The following REL variants were observed in gnomAD, a reference collection of about 807,000 sequenced individuals.
The protein encoded by REL is REL proto-oncogene, NF-kB subunit, also known as proto-oncogene c-Rel.
A neutral mutation model predicts 45.9 loss-of-function variants in REL; 15 were observed. The ratio of observed to expected loss-of-function variants is 0.33; its 90% CI spans 0.22 to 0.50. The LOEUF is 0.50. Among genes scored for constraint, REL ranks in the 20% least tolerant of loss-of-function variants. REL has a pLI of 0.98. For missense variants in REL, 601 were observed against 715.2 expected (o/e 0.84, Z 1.82); for synonymous variants, 239 against 242.1 (o/e 0.99, Z 0.12).
rs1348702901 is a variant in REL at position 60,929,812 on chromosome 2, AGT to A, written c.*7278_*7279del. The A allele has an allele frequency of 6.6e-6, 1 of 151,918 alleles. No individual in the cohort carries two copies. The highest frequency in any genetic ancestry group is 1.5e-5 in the Non-Finnish European group (1 of 67,976). 9.4% of individuals were successfully genotyped at this position (151,918 alleles called of 1,614,324 possible). ...TGTGCACATGTACCCTAAAGCTTAA[AGT>A]ATAATAAAAAATAAATAAATAAATA... On this transcript the variant is annotated 3_prime_UTR_variant, in exon 10 of 10. Coordinates refer to ENST00000394479, the MANE Select transcript of REL (RefSeq NM_001291746.2).
chr2:60,912,704 A>G (rs905592598), intron 4 of REL, among the ~76,000 whole-genome samples: 4 of 152,138 alleles, frequency 2.6e-5, no homozygotes, highest in Non-Finnish European at 4.4e-5. Flanking sequence ...AGTTTTGTCA[A>G]TTTAAATCTA....
intron 3 of REL, 178 bp from the exon 4 acceptor site, chr2:60,900,814 G>T (rs540051840): frequency 1.8e-6 from 1 of 549,886 alleles, no homozygotes; most frequent in Non-Finnish European, 3.1e-6. Flanking sequence ...CAAGCCACGC[G>T]CCCAGCCATA....
In REL at chr2:60,891,803, A is replaced by G. The variant is rs1414774075; in HGVS notation, c.131A>G (p.Asn44Ser). 1.2e-6 allele frequency: 2 copies of G among 1,613,348 alleles called. No homozygotes were observed. Among genetic ancestry groups the G allele is most frequent in the Non-Finnish European group, 1.7e-6 (2 of 1,179,666 alleles). The change falls in exon 2 of 10, where the codon AAC becomes AGC. Residue 44 changes from asparagine (N) to serine (S), a missense_variant. Physicochemically the swap from Asn to Ser is conservative, Grantham distance 46. Coordinates refer to ENST00000394479, the MANE Select transcript of REL (RefSeq NM_001291746.2). ...SIPGEHSTDN[N>S]RTYPSIQIMN... ...CCAGGGGAGCACAGCACAGACAACA[A>G]CCGAACATACCCTTCTATCCAGGTA... is the stretch of plus-strand genomic sequence containing the variant.
At chr2:60,919,465 G>A (rs1013594469) in intron 7 of REL, among the ~76,000 whole-genome samples, 3 of 151,604 alleles carry the variant, frequency 2.0e-5, no homozygotes, top group Non-Finnish European at 2.9e-5. Context: ...GCTCTGTCTT[G>A]CCCAGGCTGG....
chr2:60,895,966 T>C (rs1673336203), intron 3 of REL, among the ~76,000 whole-genome samples: 2 of 152,146 alleles, frequency 1.3e-5, no homozygotes, highest in Admixed American at 6.5e-5. Flanking sequence ...TATGTAAATA[T>C]AGTCACAATA....
chr2:60,909,172 C>T (rs1156408298), intron 4 of REL, among the ~76,000 whole-genome samples: 1 of 152,098 alleles, frequency 6.6e-6, no homozygotes, highest in African/African-American at 2.4e-5. Context: ...TCCAGATACT[C>T]ATCTCACTAA....
intron 3 of REL, among the ~76,000 whole-genome samples, chr2:60,897,614 TGC>T (rs1259767876): frequency 2.6e-5 from 4 of 152,144 alleles, no homozygotes; most frequent in African/African-American, 9.7e-5. Flanking sequence ...GGCCAACTTG[TGC>T]TTTGCTTGCC....
intron 6 of REL, 22 bp from the exon 7 acceptor site, chr2:60,918,372 T>C: frequency 6.3e-7 from 1 of 1,594,154 alleles, no homozygotes. Flanking sequence ...CATTTTTTTT[T>C]TTTTGGTTTC....
At chr2:60,919,883 C>A (rs1337313265) in intron 7 of REL, among the ~76,000 whole-genome samples, 158 bp from the exon 8 acceptor site, 1 of 152,138 alleles carries the variant, frequency 6.6e-6, no homozygotes, top group Non-Finnish European at 1.5e-5. Flanking sequence ...TCTACTGATA[C>A]TACTGATTTG....
Position 60,922,901 on chromosome 2 carries a change from GAGCA to G in REL, c.*367_*370del. The G allele has an allele frequency of 5.3e-6, 1 of 189,516 alleles. No individual in the cohort carries two copies. The highest frequency in any genetic ancestry group is 1.0e-5 in the Non-Finnish European group (1 of 97,186). 11.7% of individuals were successfully genotyped at this position (189,516 alleles called of 1,614,324 possible). A position where few individuals can be genotyped will look rare whatever the true frequency, so the allele number is the denominator to read the frequency against. ...TCTACTAAAAATACAAAAATTAGCT[GAGCA>G]TGGTGGTACGTGCCTGTACTGTCAG... On this transcript the variant is annotated 3_prime_UTR_variant, in exon 10 of 10. Coordinates refer to ENST00000394479, the MANE Select transcript of REL (RefSeq NM_001291746.2).
In REL at chr2:60,918,609, A is replaced by G. The variant is rs1274983743; in HGVS notation, c.853+3A>G. ...TAGATATCTGCCAGATGAAAAAGGT[A>G]TGACATTTTGCTGGTAATAATTTAT... On this transcript the variant is annotated splice_donor_region_variant and intron_variant, in intron 7 of 9. Coordinates refer to ENST00000394479, the MANE Select transcript of REL (RefSeq NM_001291746.2). 6.3e-7 allele frequency: 1 copy of G among 1,596,576 alleles called. No homozygotes were observed. Among genetic ancestry groups the G allele is most frequent in the Non-Finnish European group, 8.6e-7 (1 of 1,164,014 alleles).
Position 60,922,145 on chromosome 2 carries a change from GCTGT to G in REL, c.1377_1380del (p.Ser460IlefsTer4). 1.2e-6 allele frequency: 2 copies of G among 1,614,122 alleles called. No individual in the cohort carries two copies. Among genetic ancestry groups the G allele is most frequent in the Non-Finnish European group, 8.5e-7 (1 of 1,180,028 alleles). ...TATATGGTATTTCTGATCCCAACATGCTGTCTAATTGTTCTGTGAATATGATGAC... is the reference window on the plus strand; with the variant it reads ...TATATGGTATTTCTGATCCCAACATGCTAATTGTTCTGTGAATATGATGAC... On this transcript the variant is annotated frameshift_variant, in exon 10 of 10. Coordinates refer to ENST00000394479, the MANE Select transcript of REL (RefSeq NM_001291746.2). LOFTEE classifies it high-confidence loss of function.
chr2:60,903,015 T>C (rs768056201), intron 4 of REL, among the ~76,000 whole-genome samples: 21 of 152,242 alleles, frequency 1.4e-4, no homozygotes, highest in Non-Finnish European at 2.6e-4. Flanking sequence ...GGAAAATTTC[T>C]GGGTCAAGAG....
intron 4 of REL, among the ~76,000 whole-genome samples, chr2:60,903,540 A>AT (rs1267092161): frequency 1.4e-3 from 206 of 146,158 alleles, no homozygotes; most frequent in African/African-American, 4.4e-3. Context: ...TGCCCAGCTA[A>AT]TTTTTTTTTT....
In REL at chr2:60,925,199, C is replaced by T. The variant is rs866741403; in HGVS notation, c.*2664C>T. ...ACCTGCCCTAAATGTTGAATATCTT[C>T]CTAGCAAGAAACAGTCTGTCATTTT... On this transcript the variant is annotated 3_prime_UTR_variant, in exon 10 of 10. Transcript: ENST00000394479. 1 of 198,716 alleles carries T rather than the reference C, an allele frequency of 5.0e-6. No homozygotes were observed. The allele number at this position is 198,716 out of a possible 1,614,324, so 12.3% of individuals were successfully genotyped here.
chr2:60,920,164 A>G (rs140209210), intron 8 of REL, 55 bp downstream of exon 8: 40 of 1,284,594 alleles, frequency 3.1e-5, no homozygotes, highest in Non-Finnish European at 4.3e-5. Flanking sequence ...TATTTACTTT[A>G]TTCAGTTTTT....
chr2:60,921,878 T>G lies in REL; in HGVS notation c.1107T>G (p.His369Gln). The G allele has an allele frequency of 6.2e-7, 1 of 1,614,172 alleles. No homozygotes were observed. The highest frequency in any genetic ancestry group is 8.5e-7 in the Non-Finnish European group (1 of 1,180,026). ...CCATCTCAAGTGGATTGTCACATCA[T>G]GCCTCAATGGCACCTCTGCCTTCTT... is the stretch of plus-strand genomic sequence containing the variant. ...PGPISSGLSH[H>Q]ASMAPLPSSS... Residue 369 changes from histidine to glutamine, a missense_variant, in exon 10 of 10, where the codon CAT becomes CAG. His to Gln is a conservative substitution (Grantham distance 24). Coordinates refer to ENST00000394479, the MANE Select transcript of REL (RefSeq NM_001291746.2).
At chr2:60,920,465 T>C in intron 8 of REL, 109 bp from the exon 9 acceptor site, 2 of 823,388 alleles carry the variant, frequency 2.4e-6, no homozygotes, top group Non-Finnish European at 4.2e-6. Flanking sequence ...CCTCCCAAAG[T>C]GCTGGGATTA....
rs869140724 is a variant in REL, at chr2:60,907,697, C to CT, written c.394+6628dup. Reference sequence around the variant, plus strand: ...ACGAACATGTCATATTTGTACTTTTCTTTTTTTTTTTTTTACGGAGTCTCG... The same window carrying CT: ...ACGAACATGTCATATTTGTACTTTTCTTTTTTTTTTTTTTTACGGAGTCTCG... On this transcript the variant is annotated intron_variant, in intron 4 of 9. Transcript: ENST00000394479. 9.0e-3 allele frequency among the ~76,000 whole-genome samples: 1,261 copies of CT among 139,624 alleles called. 8 individuals carry two copies. The highest frequency in any genetic ancestry group is 0.016 in the African/African-American group (603 of 38,330). 91.6% of individuals were successfully genotyped at this position (139,624 alleles called of 152,430 possible). A position where few individuals can be genotyped will look rare whatever the true frequency, so the allele number is the denominator to read the frequency against.
Sources: allele counts gnomAD v4.1 joint callset (sites outside exome capture counted in the v4.1 genomes callset), GRCh38; gene constraint gnomAD v4.1.1; transcripts MANE v1.5; gene names NCBI Gene and HGNC (gene_info 2026-07-23, HGNC 2026-07-21).